Variants in MCPH1 observed in about 807,000 individuals in gnomAD.
The protein encoded by MCPH1 is microcephalin.
Under a neutral mutation model 84.5 loss-of-function variants are expected in MCPH1, and 104 were observed. The ratio of observed to expected loss-of-function variants is 1.23; its 90% CI spans 1.05 to 1.45. The LOEUF (loss-of-function observed/expected upper bound fraction) is 1.45, where lower values mean the gene tolerates loss of function less well. MCPH1 is among the 40% of genes most tolerant of loss of function. The probability of loss-of-function intolerance (pLI) is 0.00; values close to 1 mark genes in which losing one functional copy is unlikely to be tolerated. For synonymous variants in MCPH1, 514 were observed against 366.8 expected (o/e 1.40, Z -4.58); for missense variants, 1,498 against 1,005.7 (o/e 1.49, Z -6.62).
chr8:6,526,002 G>A (rs1382507554), intron 12 of MCPH1, among the ~76,000 whole-genome samples: 2 of 152,100 alleles, frequency 1.3e-5, no homozygotes, highest in East Asian at 3.9e-4. Context: ...CTACAAACTG[G>A]ACATATCCTA....
rs1563307016 is a variant in MCPH1 at position 6,505,423 on chromosome 8, AAAGAATATATATATTC to A, written c.2214+5495_2214+5510del. On this transcript the variant is annotated intron_variant, in intron 12 of 13. Coordinates refer to ENST00000344683, the MANE Select transcript of MCPH1 (RefSeq NM_024596.5). ...GAATATATATATTCTTTATATACAT[AAAGAATATATATATTC>A]TTTATATACATATAGAATATATATA... Among the ~76,000 whole-genome samples, 58 of 82,976 alleles carry A rather than the reference AAAGAATATATATATTC, an allele frequency of 7.0e-4. 4 individuals are homozygous for A. Among genetic ancestry groups the A allele is most frequent in the African/African-American group, 2.6e-3 (58 of 21,972 alleles). 54.4% of individuals were successfully genotyped at this position (82,976 alleles called of 152,430 possible).
At chr8:6,638,634 G>A (rs1446768906) in intron 13 of MCPH1, among the ~76,000 whole-genome samples, 3 of 151,632 alleles carry the variant, frequency 2.0e-5, no homozygotes, top group Admixed American at 1.3e-4. Context: ...CTGCTCAAGG[G>A]CAGTTCAGCT....
chr8:6,586,301 T>C (rs1827974159), intron 12 of MCPH1, among the ~76,000 whole-genome samples: 1 of 152,146 alleles, frequency 6.6e-6, no homozygotes, highest in African/African-American at 2.4e-5. Context: ...ATAATACAGA[T>C]GGGACCAACT....
intron 6 of MCPH1, 129 bp downstream of exon 6, chr8:6,439,225 C>A: frequency 1.0e-6 from 1 of 959,706 alleles, no homozygotes; most frequent in Non-Finnish European, 1.5e-6. Context: ...TATTTCATGG[C>A]TGGCTTTGTT....
chr8:6,485,597 T>G (rs1809788803), intron 11 of MCPH1, among the ~76,000 whole-genome samples: 1 of 148,390 alleles, frequency 6.7e-6, no homozygotes, highest in African/African-American at 2.4e-5. Flanking sequence ...TGTGCTACCT[T>G]TTTTTCCCCT....
chr8:6,474,213 C>A, intron 9 of MCPH1: 1 of 670,150 alleles, frequency 1.5e-6, no homozygotes, highest in East Asian at 2.6e-5. Context: ...CAATTATACT[C>A]TTCATCATAG....
chr8:6,615,952 A>G (rs986785026), intron 12 of MCPH1: 3 of 152,192 alleles, frequency 2.0e-5, no homozygotes, highest in Non-Finnish European at 2.9e-5. Context: ...TATTTATTTA[A>G]TACCTCGAGG....
chr8:6,608,600 C>T (rs2454519), intron 12 of MCPH1, among the ~76,000 whole-genome samples: 97,192 of 152,010 alleles, frequency 0.64, 33,583 homozygotes, highest in Non-Finnish European at 0.79. Flanking sequence ...TCTTCTGAGC[C>T]TCCGTGATTC....
In MCPH1 at chr8:6,431,597, G is replaced by A; in HGVS notation, c.321+11G>A. ...CTAATTAAAAAAAAAGTAAGTACAT[G>A]ATTTCAATGTAGATAATGGCAATTA... is the stretch of plus-strand genomic sequence containing the variant. On this transcript the variant is annotated intron_variant, in intron 4 of 13. Transcript: ENST00000344683. 6.5e-7 allele frequency: 1 copy of A among 1,535,790 alleles called. No individual in the cohort carries two copies. Among genetic ancestry groups the A allele is most frequent in the Non-Finnish European group, 9.0e-7 (1 of 1,112,090 alleles).
rs766864975 is a variant in MCPH1, at chr8:6,499,965, T to C, written c.2214+36T>C. The stretch of plus-strand genomic sequence containing the variant: ...TGTTGTTTTACGATGGTAAATGCAG[T>C]TTGCTGTTCTCAAGAAATTATTATA... On this transcript the variant is annotated intron_variant, in intron 12 of 13. Coordinates refer to ENST00000344683, the MANE Select transcript of MCPH1 (RefSeq NM_024596.5). The C allele has an allele frequency of 5.1e-6, 8 of 1,558,928 alleles. No homozygotes were observed. The East Asian group carries it at 9.0e-5, about 17-fold the overall frequency.
intron 2 of MCPH1, among the ~76,000 whole-genome samples, chr8:6,413,789 G>C (rs10098279): frequency 0.97 from 146,555 of 150,562 alleles, 71,432 homozygotes; most frequent in East Asian, 1. Context: ...GAGTCTTGCT[G>C]TGTTACCCAG....
intron 11 of MCPH1, among the ~76,000 whole-genome samples, chr8:6,498,940 T>C (rs1032538347): frequency 2.0e-5 from 3 of 152,016 alleles, no homozygotes; most frequent in Non-Finnish European, 4.4e-5. Context: ...TGGTCCCAGC[T>C]ACTCAAGAGG....
intron 12 of MCPH1, among the ~76,000 whole-genome samples, chr8:6,589,417 C>T (rs62496903): frequency 0.049 from 7,479 of 152,248 alleles, 264 homozygotes; most frequent in Non-Finnish European, 0.077. Context: ...ATCTTTGTAT[C>T]CAATGAGTTC....
rs376665968 is a variant in MCPH1, at chr8:6,512,496, T to A, written c.2214+12567T>A. 1.2e-4 allele frequency among the ~76,000 whole-genome samples: 19 copies of A among 152,324 alleles called. 1 individual carries two copies. The highest frequency in any genetic ancestry group is 4.6e-4 in the Admixed American group (7 of 15,298). On this transcript the variant is annotated intron_variant, in intron 12 of 13. Coordinates refer to ENST00000344683, the MANE Select transcript of MCPH1 (RefSeq NM_024596.5). ...TTCTGACCTCAAAGTGGGTATTTCATAATGTGTGCTCCATGATCACGAGGC... is the reference window on the plus strand; with the variant it reads ...TTCTGACCTCAAAGTGGGTATTTCAAAATGTGTGCTCCATGATCACGAGGC...
At chr8:6,465,389 T>G (rs998454187) in intron 9 of MCPH1, among the ~76,000 whole-genome samples, 1 of 152,164 alleles carries the variant, frequency 6.6e-6, no homozygotes, top group African/African-American at 2.4e-5. Context: ...ACTGCGCTGC[T>G]CCCACCACCC....
intron 12 of MCPH1, among the ~76,000 whole-genome samples, chr8:6,545,198 C>T (rs1384879995): frequency 6.6e-6 from 1 of 152,098 alleles, no homozygotes; most frequent in Admixed American, 6.6e-5. Flanking sequence ...AGGCTGTGAA[C>T]TGAGCAGTGG....
At chr8:6,621,221 TC>T in intron 12 of MCPH1, 9 of 580,178 alleles carry the variant, frequency 1.6e-5, no homozygotes, top group African/African-American at 1.9e-5. Flanking sequence ...CTTTTTTTTT[TC>T]TAATTTGTTT....
intron 13 of MCPH1, 24 bp downstream of exon 13, chr8:6,621,715 C>G: frequency 6.2e-7 from 1 of 1,613,900 alleles, no homozygotes; most frequent in South Asian, 1.1e-5. Context: ...CACACAGACG[C>G]TGTGGTGTGG....
rs754130326 is a variant in MCPH1, at chr8:6,445,279, C to G, written c.1557C>G (p.Cys519Trp). 3 of 1,614,186 alleles carry G rather than the reference C, an allele frequency of 1.9e-6. No homozygotes were observed. The highest frequency in any genetic ancestry group is 2.5e-6 in the Non-Finnish European group (3 of 1,180,028). The change falls in exon 8 of 14, where the codon TGC becomes TGG. Residue 519 changes from cysteine (C) to tryptophan (W), a missense_variant. Cys to Trp is a radical substitution (Grantham distance 215, BLOSUM62 -2). Coordinates refer to ENST00000344683, the MANE Select transcript of MCPH1 (RefSeq NM_024596.5). ...CCRQAGKEDA[C>W]PEGNGFSYTI... ...GACAGGCTGGGAAAGAAGACGCATGCCCAGAGGGAAATGGCTTTTCTTACA... is the reference window on the plus strand; with the variant it reads ...GACAGGCTGGGAAAGAAGACGCATGGCCAGAGGGAAATGGCTTTTCTTACA...
Sources: allele counts gnomAD v4.1 joint callset (sites outside exome capture counted in the v4.1 genomes callset), GRCh38; gene constraint gnomAD v4.1.1; transcripts MANE v1.5; gene names NCBI Gene and HGNC (gene_info 2026-07-23, HGNC 2026-07-21).